Variants in C5orf34 observed in about 807,000 individuals in gnomAD.
C5orf34 encodes the protein uncharacterized protein C5orf34.
A neutral mutation model predicts 78.4 loss-of-function variants in C5orf34; 73 were observed. The ratio of observed to expected loss-of-function variants is 0.93; its 90% confidence interval spans 0.77 to 1.13. The LOEUF (loss-of-function observed/expected upper bound fraction) is 1.13, where lower values mean the gene tolerates loss of function less well. Ranked by LOEUF, C5orf34 falls within the 50% of genes most tolerant of loss-of-function variation. C5orf34 has a pLI of 0.00. For missense variants in C5orf34, 730 were observed against 732.7 expected (o/e 1.00, Z 0.04); for synonymous variants, 251 against 246.6 (o/e 1.02, Z -0.17).
chr5:43,505,075 G>A (rs1174710987), intron 4 of C5orf34, among the ~76,000 whole-genome samples: 3 of 152,172 alleles, frequency 2.0e-5, no homozygotes, highest in Non-Finnish European at 2.9e-5. Context: ...AGAATCAAAC[G>A]GGTGAAGTCC....
intron 8 of C5orf34, 103 bp downstream of exon 8, chr5:43,493,440 A>G: frequency 1.4e-6 from 1 of 696,860 alleles, no homozygotes; most frequent in Non-Finnish European, 2.5e-6. Context: ...TGTTACAAGA[A>G]TTTCTCACAT....
intron 6 of C5orf34, among the ~76,000 whole-genome samples, chr5:43,500,036 C>T (rs1363870333): frequency 2.0e-5 from 3 of 152,150 alleles, no homozygotes; most frequent in African/African-American, 7.2e-5. Flanking sequence ...TCAAATTGTC[C>T]TTTAAGAAAG....
chr5:43,486,928 T>A lies in C5orf34; in HGVS notation c.1904A>T (p.Asn635Ile). Residue 635 changes from asparagine to isoleucine, a missense_variant, in exon 13 of 13, where the codon AAC (asparagine) becomes ATC (isoleucine). Coordinates refer to ENST00000306862, the MANE Select transcript of C5orf34 (RefSeq NM_198566.4). ...TAATTCCATTTTTCACTTTTTAGAG[T>A]TTGATAGAAGACAGTCAATATCGTG... Reference protein sequence around the residue: ...ILHDIDCLLSNSKK With the variant: ...ILHDIDCLLSISKK 6.6e-7 allele frequency: 1 copy of A among 1,516,730 alleles called. No individual in the cohort carries two copies. Among genetic ancestry groups the A allele is most frequent in the Non-Finnish European group, 8.8e-7 (1 of 1,135,672 alleles). The allele number at this position is 1,516,730 out of a possible 1,614,324, so 94.0% of individuals were successfully genotyped here.
intron 6 of C5orf34, chr5:43,496,268 GT>G: frequency 6.3e-7 from 1 of 1,585,398 alleles, no homozygotes; most frequent in Non-Finnish European, 8.6e-7. Context: ...TCAGCTTTCA[GT>G]TTATGCAAGA....
chr5:43,503,519 A>G lies in C5orf34; in HGVS notation c.1028+146T>C, dbSNP rs143950203. ...AATAACATTAGTTTTGAGACCTGTA[A>G]AACTCAGGATCAAACACAGGAGCAC... On this transcript the variant is annotated intron_variant, in intron 5 of 12. Transcript: ENST00000306862. 1,190 of 714,716 alleles carry G rather than the reference A, an allele frequency of 1.7e-3. 15 individuals carry two copies. In the African/African-American group the frequency reaches 0.019, roughly 11 times the overall value. 44.3% of individuals were successfully genotyped at this position (714,716 alleles called of 1,614,324 possible). A position where few individuals can be genotyped will look rare whatever the true frequency, so the allele number is the denominator to read the frequency against.
intron 5 of C5orf34, 62 bp from the exon 6 acceptor site, chr5:43,502,557 A>AT: frequency 1.0e-6 from 1 of 958,522 alleles, no homozygotes; most frequent in South Asian, 1.5e-5. Context: ...ATGCATGAAG[A>AT]TAGTCATCAA....
At chr5:43,487,160 ATATCTT>A (rs1459348428) in intron 12 of C5orf34, 49 bp from the exon 13 acceptor site, 5 of 851,400 alleles carry the variant, frequency 5.9e-6, no homozygotes, top group Non-Finnish European at 8.6e-6. Flanking sequence ...CACTATATAA[ATATCTT>A]TATATACAGA....
At chr5:43,504,847 A>G (rs142329755) in intron 4 of C5orf34, among the ~76,000 whole-genome samples, 31 of 152,298 alleles carry the variant, frequency 2.0e-4, no homozygotes, top group African/African-American at 7.2e-4. Context: ...TACTCGTAAT[A>G]CTTTTCTCAT....
intron 12 of C5orf34, 49 bp from the exon 13 acceptor site, chr5:43,487,160 A>C: frequency 1.2e-6 from 1 of 851,400 alleles, no homozygotes; most frequent in Non-Finnish European, 1.7e-6. Flanking sequence ...CACTATATAA[A>C]TATCTTTATA....
intron 1 of C5orf34, among the ~76,000 whole-genome samples, chr5:43,513,641 T>G (rs547087027): frequency 1.3e-5 from 2 of 152,234 alleles, no homozygotes; most frequent in Non-Finnish European, 2.9e-5. Context: ...TTTAGATACA[T>G]TGGCATTTTA....
chr5:43,496,389 G>A, intron 6 of C5orf34: 1 of 1,595,270 alleles, frequency 6.3e-7, no homozygotes, highest in Non-Finnish European at 8.5e-7. Flanking sequence ...GGCCAGTAGT[G>A]GTGGACTTGC....
chr5:43,495,149 A>G, intron 6 of C5orf34: 3 of 1,606,670 alleles, frequency 1.9e-6, no homozygotes, highest in Admixed American at 1.7e-5. Flanking sequence ...CACTGCTTTG[A>G]TGACACCCAC....
chr5:43,495,172 T>C, intron 6 of C5orf34: 1 of 1,610,418 alleles, frequency 6.2e-7, no homozygotes, highest in Non-Finnish European at 8.5e-7. Flanking sequence ...CAACTGTCTG[T>C]CTCATATCAC....
chr5:43,487,737 C>T (rs1579850103), intron 12 of C5orf34, among the ~76,000 whole-genome samples, 172 bp downstream of exon 12: 1 of 152,062 alleles, frequency 6.6e-6, no homozygotes, highest in African/African-American at 2.4e-5. Context: ...ACATGCTATA[C>T]CTTCTATGGA....
In C5orf34 at chr5:43,487,006, T is replaced by C; in HGVS notation, c.1826A>G (p.Glu609Gly). 6.3e-7 allele frequency: 1 copy of C among 1,589,504 alleles called. No homozygotes were observed. Among genetic ancestry groups the C allele is most frequent in the East Asian group, 2.3e-5 (1 of 43,460 alleles). Residue 609 changes from glutamate (E) to glycine (G), a missense_variant, in exon 13 of 13, where the codon GAA (glutamate) becomes GGA (glycine). Transcript: ENST00000306862. ...KPGSSETLLG[E>G]VNENRVSIAL... is the part of the protein sequence containing the mutation. ...TATTGATACTCTATTTTCATTAACT[T>C]CTCCTAGCAAGGTTTCTGAAGATCC...
rs767046979 is a variant in C5orf34, at chr5:43,492,322, A to G, written c.1486-13T>C. ...GACCTTGATTTACCTGAAGAAGTAG[A>G]AAGATAAGTTTTATCATTTTAGAAC... On this transcript the variant is annotated splice_polypyrimidine_tract_variant and intron_variant, in intron 9 of 12. Transcript: ENST00000306862. 15 of 1,534,098 alleles carry G rather than the reference A, an allele frequency of 9.8e-6. No individual in the cohort carries two copies. Among genetic ancestry groups the G allele is most frequent in the Non-Finnish European group, 1.3e-5 (15 of 1,114,812 alleles).
intron 6 of C5orf34, among the ~76,000 whole-genome samples, chr5:43,498,767 A>C (rs1745644809): frequency 6.6e-6 from 1 of 152,230 alleles, no homozygotes. Context: ...TCTAACAAAA[A>C]TCTGATGTCA....
At chr5:43,488,105 A>G in intron 11 of C5orf34, 156 bp from the exon 12 acceptor site, 1 of 603,898 alleles carries the variant, frequency 1.7e-6, no homozygotes, top group African/African-American at 1.9e-5. Context: ...GCAACAAATC[A>G]ACTTGACTCA....
At chr5:43,487,836 A>T in intron 12 of C5orf34, 73 bp downstream of exon 12, 1 of 1,112,504 alleles carries the variant, frequency 9.0e-7, no homozygotes, top group Non-Finnish European at 1.3e-6. Flanking sequence ...TTCACAAAGT[A>T]CTGAAGTCAT....
Sources: gnomAD v4.1 joint callset for allele counts (sites outside exome capture counted in the v4.1 genomes callset) on GRCh38, gnomAD v4.1.1 for gene constraint, MANE v1.5 for transcripts, NCBI Gene and HGNC (gene_info 2026-07-23, HGNC 2026-07-21) for gene names.